Variants in TTC21B observed in about 807,000 individuals in gnomAD.
TTC21B encodes the protein tetratricopeptide repeat domain 21B, also known as tetratricopeptide repeat protein 21B.
TTC21B carries 127 observed loss-of-function variants against 175.1 expected under a neutral mutation model. The observed-to-expected ratio is 0.73, with a 90% CI of 0.63 to 0.84. The LOEUF is 0.84. Among genes scored for constraint, TTC21B ranks in the 40% least tolerant of loss-of-function variants. The pLI, the probability that TTC21B is intolerant of heterozygous loss-of-function variation, is 0.00. For synonymous variants in TTC21B, 524 were observed against 524.5 expected (o/e 1.00, Z 0.01); for missense variants, 1,561 against 1,558.3 (o/e 1.00, Z -0.03).
intron 4 of TTC21B, among the ~76,000 whole-genome samples, chr2:165,944,102 T>C (rs1208874560): frequency 6.6e-6 from 1 of 152,142 alleles, no homozygotes; most frequent in Non-Finnish European, 1.5e-5. Context: ...TCTTAACCAA[T>C]GCTATGTGCT....
At chr2:165,904,851 T>C (rs965429072) in intron 19 of TTC21B, among the ~76,000 whole-genome samples, 4 of 152,196 alleles carry the variant, frequency 2.6e-5, no homozygotes, top group African/African-American at 7.2e-5. Flanking sequence ...TTCACTTTTA[T>C]ATCCAGAAAC....
chr2:165,877,743 G>GTA (rs921457386), intron 27 of TTC21B, among the ~76,000 whole-genome samples: 9 of 151,884 alleles, frequency 5.9e-5, no homozygotes, highest in Admixed American at 2.0e-4. Flanking sequence ...ATATAGGTGT[G>GTA]TATATATATA....
chr2:165,898,233 A>C (rs1007054801), intron 22 of TTC21B, among the ~76,000 whole-genome samples: 2 of 152,116 alleles, frequency 1.3e-5, no homozygotes, highest in African/African-American at 4.8e-5. Context: ...TTAGGTGAGA[A>C]GCTGGCCACA....
chr2:165,888,991 A>G (rs2105290087), intron 24 of TTC21B, among the ~76,000 whole-genome samples: 1 of 152,228 alleles, frequency 6.6e-6, no homozygotes, highest in South Asian at 2.1e-4. Context: ...AGCTTATCAG[A>G]CATATAAAAT....
At position 165,903,350 on chromosome 2, in the gene TTC21B, C is replaced by T. The variant is rs550462223; in HGVS notation, c.2569-1440G>A. ...GGAAAGAGAATGAGGGATACACTGC[C>T]TGATCAAATAATTAGAAGAAAAAAT... On this transcript the variant is annotated intron_variant, in intron 19 of 28. Coordinates refer to ENST00000243344, the MANE Select transcript of TTC21B (RefSeq NM_024753.5). Among the ~76,000 whole-genome samples the T allele has an allele frequency of 1.3e-4, 20 of 152,178 alleles. No homozygotes were observed. In the South Asian group the frequency reaches 4.2e-3, roughly 32 times the overall value.
At chr2:165,912,464 G>T (rs777879832) in intron 17 of TTC21B, 50 bp downstream of exon 17, 3 of 1,386,560 alleles carry the variant, frequency 2.2e-6, no homozygotes, top group Non-Finnish European at 3.1e-6. Context: ...CGAGGACAGG[G>T]TATGATAAAT....
intron 25 of TTC21B, among the ~76,000 whole-genome samples, chr2:165,885,044 G>GT (rs931740290): frequency 1.3e-5 from 2 of 152,162 alleles, no homozygotes; most frequent in African/African-American, 4.8e-5. Context: ...CAGCTACTCA[G>GT]GAGGCTGAAG....
At chr2:165,912,712 C>A in intron 16 of TTC21B, 88 bp from the exon 17 acceptor site, 3 of 944,590 alleles carry the variant, frequency 3.2e-6, no homozygotes, top group Non-Finnish European at 3.5e-6. Context: ...TTAATCTCTA[C>A]ATTTGTAATA....
At chr2:165,891,132 C>G (rs922164860) in intron 22 of TTC21B, 144 bp from the exon 23 acceptor site, 9 of 724,562 alleles carry the variant, frequency 1.2e-5, no homozygotes, top group African/African-American at 1.8e-5. Context: ...GTATAATTCC[C>G]TATAGAGGCT....
intron 8 of TTC21B, among the ~76,000 whole-genome samples, chr2:165,930,730 G>GATGTGTGTGTGT (rs1553514241): frequency 1.3e-5 from 1 of 78,264 alleles, no homozygotes; most frequent in Non-Finnish European, 3.0e-5. Context: ...CGTGGGTATG[G>GATGTGTGTGTGT]GGGTGTGTGT....
chr2:165,949,823 T>G, intron 1 of TTC21B, 99 bp from the exon 2 acceptor site: 2 of 1,265,190 alleles, frequency 1.6e-6, no homozygotes, highest in South Asian at 2.7e-5. Context: ...AATGTAAAAT[T>G]CAGGCAATGT....
At chr2:165,949,209 T>C (rs1687683642) in intron 3 of TTC21B, 185 bp downstream of exon 3, 2 of 616,430 alleles carry the variant, frequency 3.2e-6, no homozygotes, top group Non-Finnish European at 5.8e-6. Flanking sequence ...ACGAAAATAG[T>C]ATAAGACACA....
chr2:165,931,029 T>C (rs1444490774), intron 8 of TTC21B, among the ~76,000 whole-genome samples: 2 of 152,108 alleles, frequency 1.3e-5, no homozygotes, highest in African/African-American at 4.8e-5. Flanking sequence ...AAATAATGTG[T>C]CTAGCACTAC....
intron 19 of TTC21B, among the ~76,000 whole-genome samples, chr2:165,902,622 T>A (rs904350660): frequency 1.3e-5 from 2 of 152,224 alleles, no homozygotes; most frequent in South Asian, 2.1e-4. Context: ...TAATACTGTC[T>A]CATGAAATTT....
At chr2:165,914,400 A>G (rs1038210938) in intron 15 of TTC21B, among the ~76,000 whole-genome samples, 2 of 152,172 alleles carry the variant, frequency 1.3e-5, no homozygotes, top group Non-Finnish European at 2.9e-5. Context: ...ATCTTCTGGA[A>G]ATACCTTAGA....
intron 5 of TTC21B, 46 bp downstream of exon 5, chr2:165,943,173 T>C (rs752470371): frequency 1.9e-6 from 3 of 1,589,992 alleles, no homozygotes; most frequent in African/African-American, 1.3e-5. Flanking sequence ...AAATATATTA[T>C]GAATATATTT....
intron 19 of TTC21B, among the ~76,000 whole-genome samples, chr2:165,904,470 C>G (rs1685664161): frequency 6.6e-6 from 1 of 152,244 alleles, no homozygotes; most frequent in Non-Finnish European, 1.5e-5. Context: ...TGCACACACA[C>G]ATACACACAC....
intron 19 of TTC21B, among the ~76,000 whole-genome samples, chr2:165,906,306 TAGA>T (rs1443232151): frequency 1.0e-5 from 1 of 97,044 alleles, no homozygotes; most frequent in Non-Finnish European, 2.2e-5. Context: ...CCAAAGAGTG[TAGA>T]AGAAATTAAT....
rs1199391443 is a variant in TTC21B, at chr2:165,945,591, A to G, written c.362T>C (p.Ile121Thr). The G allele has an allele frequency of 1.9e-6, 3 of 1,613,844 alleles. No individual in the cohort carries two copies. In the East Asian group the frequency reaches 6.7e-5, roughly 36 times the overall value. Reference sequence around the variant, plus strand: ...TTCCCTTGCTTTATCATGGCGACCAATGTGCCATAAAAATAAGCCTGCATG... The same window carrying G: ...TTCCCTTGCTTTATCATGGCGACCAGTGTGCCATAAAAATAAGCCTGCATG... ...LYHAGLFLWH[I>T]GRHDKAREYI... The change falls in exon 4 of 29, where the codon ATT becomes ACT. Residue 121 changes from isoleucine (I) to threonine (T), a missense_variant. By Grantham distance (89) the Ile-to-Thr change is moderately conservative (BLOSUM62 -1). Coordinates refer to ENST00000243344, the MANE Select transcript of TTC21B (RefSeq NM_024753.5).
Sources: gnomAD v4.1 joint callset for allele counts (sites outside exome capture counted in the v4.1 genomes callset) on GRCh38, gnomAD v4.1.1 for gene constraint, MANE v1.5 for transcripts, NCBI Gene and HGNC (gene_info 2026-07-23, HGNC 2026-07-21) for gene names.